FBXO38: variants seen among roughly 807,000 people sequenced by gnomAD.
The protein encoded by FBXO38 is F-box only protein 38.
FBXO38 carries 53 observed loss-of-function variants against 131.9 expected under a neutral mutation model. That is an observed-to-expected ratio of 0.40 (90% CI 0.32 to 0.51). FBXO38 has a LOEUF of 0.51. Ranked by LOEUF, FBXO38 falls within the 20% of genes least tolerant of loss-of-function variation. The probability of loss-of-function intolerance (pLI) is 0.53; values close to 1 mark genes in which losing one functional copy is unlikely to be tolerated. For synonymous variants in FBXO38, 452 were observed against 505.6 expected (o/e 0.89, Z 1.42); for missense variants, 1,076 against 1,475.6 (o/e 0.73, Z 4.44).
intron 6 of FBXO38, among the ~76,000 whole-genome samples, chr5:148,405,430 T>C (rs1752391276): frequency 6.6e-6 from 1 of 152,192 alleles, no homozygotes; most frequent in Admixed American, 6.5e-5. Context: ...ATTTTTCCTC[T>C]TCCAGTGTGG....
Position 148,439,696 on chromosome 5 carries a change from A to G in FBXO38, c.3074A>G (p.Tyr1025Cys), listed in dbSNP as rs767172791. ...AAGCTATTTAGTGGTCCCTACCCCT[A>G]TCACATCTGTATTATCCATGAATTC... ...EQKLFSGPYP[Y>C]HICIIHEFSN... is the part of the protein sequence containing the mutation. Residue 1025 changes from tyrosine (Y) to cysteine (C), a missense_variant, in exon 19 of 22, where the codon TAT becomes TGT. Coordinates refer to ENST00000340253, the MANE Select transcript of FBXO38 (RefSeq NM_205836.3). 6.2e-7 allele frequency: 1 copy of G among 1,614,080 alleles called. No homozygotes were observed. Among genetic ancestry groups the G allele is most frequent in the South Asian group, 1.1e-5 (1 of 91,082 alleles).
intron 1 of FBXO38, among the ~76,000 whole-genome samples, chr5:148,387,303 T>C (rs1167418337): frequency 1.3e-5 from 2 of 152,230 alleles, no homozygotes; most frequent in African/African-American, 2.4e-5. Flanking sequence ...TCTTTGTTCA[T>C]CTATAAGAAG....
intron 2 of FBXO38, chr5:148,397,507 G>C (rs915010528): frequency 6.6e-6 from 1 of 152,076 alleles, no homozygotes; most frequent in Non-Finnish European, 1.5e-5. Flanking sequence ...TATAAAATGT[G>C]TTGTCATGTT....
intron 1 of FBXO38, among the ~76,000 whole-genome samples, chr5:148,389,181 A>G (rs1262177868): frequency 1.3e-5 from 2 of 152,212 alleles, no homozygotes; most frequent in Non-Finnish European, 2.9e-5. Flanking sequence ...GTACCTCCAA[A>G]ACAATTAAAG....
In FBXO38 at chr5:148,425,431, C is replaced by G. The variant is rs1753657066; in HGVS notation, c.1739-91C>G. 6 of 991,214 alleles carry G rather than the reference C, an allele frequency of 6.1e-6. No individual in the cohort carries two copies. The East Asian group carries it at 1.4e-4, about 24-fold the overall frequency. The allele number at this position is 991,214 out of a possible 1,614,324, so 61.4% of individuals were successfully genotyped here. A position where few individuals can be genotyped will look rare whatever the true frequency, so the allele number is the denominator to read the frequency against. On this transcript the variant is annotated intron_variant, in intron 13 of 21. Coordinates refer to ENST00000340253, the MANE Select transcript of FBXO38 (RefSeq NM_205836.3). ...GAGGCTGTATAGAGCCACAAAGCAT[C>G]TCTGTTGATTCCAGATCCCTGGAAA...
intron 1 of FBXO38, among the ~76,000 whole-genome samples, chr5:148,384,438 T>A (rs1320454859): frequency 2.0e-5 from 3 of 152,212 alleles, no homozygotes; most frequent in Non-Finnish European, 4.4e-5. Context: ...GAGGTCTGTG[T>A]TCAGCGTAGT....
intron 1 of FBXO38, 107 bp from the exon 2 acceptor site, chr5:148,394,607 C>G: frequency 2.5e-6 from 1 of 407,992 alleles, no homozygotes; most frequent in South Asian, 7.4e-5. Context: ...GTGATGTGTA[C>G]CATTATGATA....
intron 7 of FBXO38, among the ~76,000 whole-genome samples, chr5:148,407,052 A>G (rs75486166): frequency 0.012 from 1,862 of 152,316 alleles, 37 homozygotes; most frequent in African/African-American, 0.043. Context: ...ATCAAGTACC[A>G]TTGTTAACAA....
At chr5:148,436,319 T>C (rs1055295188) in intron 17 of FBXO38, among the ~76,000 whole-genome samples, 2 of 152,212 alleles carry the variant, frequency 1.3e-5, no homozygotes, top group Admixed American at 6.5e-5. Context: ...TGCCTAGTGA[T>C]GTTAATTTGT....
intron 10 of FBXO38, among the ~76,000 whole-genome samples, chr5:148,415,112 A>G (rs1262564068): frequency 6.6e-6 from 1 of 152,170 alleles, no homozygotes; most frequent in Non-Finnish European, 1.5e-5. Flanking sequence ...CAGCAGTTAA[A>G]TTCTATCCCT....
chr5:148,431,623 C>T (rs1342332196), intron 15 of FBXO38, among the ~76,000 whole-genome samples: 1 of 152,116 alleles, frequency 6.6e-6, no homozygotes, highest in African/African-American at 2.4e-5. Flanking sequence ...TTTTGTGGTA[C>T]TGGGAGAGGG....
At chr5:148,418,540 A>G (rs1753201370) in intron 12 of FBXO38, among the ~76,000 whole-genome samples, 1 of 152,212 alleles carries the variant, frequency 6.6e-6, no homozygotes, top group Non-Finnish European at 1.5e-5. Context: ...AAATGCAAAA[A>G]TGAAAGTGCA....
At position 148,427,925 on chromosome 5, in the gene FBXO38, T is replaced by C; in HGVS notation, c.2631T>C (p.His877=). 2.0e-6 allele frequency: 3 copies of C among 1,518,788 alleles called. No homozygotes were observed. The highest frequency in any genetic ancestry group is 2.6e-6 in the Non-Finnish European group (3 of 1,134,662). 94.1% of individuals were successfully genotyped at this position (1,518,788 alleles called of 1,614,324 possible). The change falls in exon 15 of 22, where the codon CAT becomes CAC. Residue 877 remains histidine, a synonymous_variant. Coordinates refer to ENST00000340253, the MANE Select transcript of FBXO38 (RefSeq NM_205836.3). ...CCAGGGCCAGGAGCAGACTGTCCCA[T>C]GTACTGCTGGTATCTGAGTCAGGTA... ...PLTRARSRLS[H]VLLVSESEVA... is the part of the protein sequence containing the mutation.
chr5:148,424,347 G>C (rs1003004277), intron 13 of FBXO38, among the ~76,000 whole-genome samples: 4 of 152,044 alleles, frequency 2.6e-5, no homozygotes, highest in Admixed American at 2.0e-4. Context: ...TTTCTTTATA[G>C]CCACGTGTGC....
At chr5:148,401,638 TCAGGTGGGTGGTCC>T (rs1367160794) in intron 3 of FBXO38, among the ~76,000 whole-genome samples, 1 of 152,074 alleles carries the variant, frequency 6.6e-6, no homozygotes, top group Admixed American at 6.6e-5. Context: ...GTGGTGGTGA[TCAGGTGGGTGGTCC>T]CACTCCATCC....
chr5:148,428,194 A>G (rs987813217), intron 15 of FBXO38, among the ~76,000 whole-genome samples: 10 of 152,230 alleles, frequency 6.6e-5, no homozygotes, highest in African/African-American at 2.2e-4. Context: ...GTCATTGTGT[A>G]TATTTACCCT....
Position 148,416,981 on chromosome 5 carries a change from G to C in FBXO38, c.1408-13G>C. 6.3e-7 allele frequency: 1 copy of C among 1,590,174 alleles called. No individual in the cohort carries two copies. Among genetic ancestry groups the C allele is most frequent in the Non-Finnish European group, 8.6e-7 (1 of 1,158,358 alleles). ...CCAAATTAATAAACGTATGTGTTTT[G>C]GTTTTGCCTTAGGGTTGTGCTCGAG... On this transcript the variant is annotated splice_polypyrimidine_tract_variant and intron_variant, in intron 11 of 21. Coordinates refer to ENST00000340253, the MANE Select transcript of FBXO38 (RefSeq NM_205836.3).
chr5:148,404,584 A>T, intron 5 of FBXO38, 101 bp from the exon 6 acceptor site: 4 of 989,386 alleles, frequency 4.0e-6, no homozygotes, highest in Non-Finnish European at 5.5e-6. Context: ...CTTGAAGGTT[A>T]AGCTGTTAAT....
At position 148,438,388 on chromosome 5, in the gene FBXO38, C is replaced by T; in HGVS notation, c.2914C>T (p.Arg972Ter). ...GGTAGAAAATGCACCAATTGTAAAC[C>T]GATTTGACTATGCACAGTGCAAGAA... ...LKVENAPIVN[R>*]FDYAQCKKLN... Residue 972 changes from arginine (R) to a stop codon, truncating the protein, a stop_gained, in exon 18 of 22, where the codon CGA becomes TGA. Transcript: ENST00000340253. LOFTEE classifies it high-confidence loss of function. 1.2e-6 allele frequency: 2 copies of T among 1,613,790 alleles called. No homozygotes were observed. The highest frequency in any genetic ancestry group is 1.7e-6 in the Non-Finnish European group (2 of 1,179,838).
Sources: allele counts gnomAD v4.1 joint callset (sites outside exome capture counted in the v4.1 genomes callset), GRCh38; gene constraint gnomAD v4.1.1; transcripts MANE v1.5; gene names NCBI Gene and HGNC (gene_info 2026-07-23, HGNC 2026-07-21).